Variants in FOXP1 observed in about 807,000 individuals in gnomAD.
FOXP1 encodes the protein forkhead box protein P1.
Under a neutral mutation model 98.2 loss-of-function variants are expected in FOXP1, and 15 were observed. The ratio of observed to expected loss-of-function variants is 0.15; its 90% confidence interval spans 0.10 to 0.24. The LOEUF is 0.24. Ranked by LOEUF, FOXP1 falls within the 10% of genes least tolerant of loss-of-function variation. The pLI, the probability that FOXP1 is intolerant of heterozygous loss-of-function variation, is 1.00. For synonymous variants in FOXP1, 371 were observed against 314.5 expected (o/e 1.18, Z -1.90); for missense variants, 633 against 848.5 (o/e 0.75, Z 3.15).
At chr3:71,566,588 G>A (rs377007269) in intron 2 of FOXP1, among the ~76,000 whole-genome samples, 30 of 152,302 alleles carry the variant, frequency 2.0e-4, no homozygotes, top group East Asian at 3.9e-4. Context: ...ATGCTCTGAC[G>A]TTCAAAATCT....
chr3:71,420,684 T>C (rs962518703), intron 3 of FOXP1, among the ~76,000 whole-genome samples: 1 of 152,026 alleles, frequency 6.6e-6, no homozygotes, highest in African/African-American at 2.4e-5. Flanking sequence ...TGCCTGACCT[T>C]AAGCATCTGA....
At chr3:71,069,646 C>T (rs963954676) in intron 7 of FOXP1, among the ~76,000 whole-genome samples, 2 of 152,144 alleles carry the variant, frequency 1.3e-5, no homozygotes, top group Non-Finnish European at 2.9e-5. Flanking sequence ...TCACTGCCAC[C>T]ACCACCACCA....
At chr3:71,506,912 T>A (rs1489463628) in intron 2 of FOXP1, among the ~76,000 whole-genome samples, 3 of 152,280 alleles carry the variant, frequency 2.0e-5, no homozygotes, top group East Asian at 1.9e-4. Flanking sequence ...CTAATGAAAG[T>A]CCCTACCTCC....
chr3:71,314,183 A>C (rs1169838362), intron 4 of FOXP1, among the ~76,000 whole-genome samples: 1 of 152,234 alleles, frequency 6.6e-6, no homozygotes, highest in Non-Finnish European at 1.5e-5. Flanking sequence ...GATATAACTT[A>C]AATAAATCTA....
At position 70,958,220 on chromosome 3, in the gene FOXP1, GA is replaced by G. The variant is rs1357407320; in HGVS notation, c.*1026del. The G allele has an allele frequency of 1.5e-5, 6 of 391,272 alleles. No homozygotes were observed. Among genetic ancestry groups the G allele is most frequent in the African/African-American group, 4.5e-5 (2 of 44,496 alleles). 24.2% of individuals were successfully genotyped at this position (391,272 alleles called of 1,614,324 possible). ...GCAAAAAAAAAAAAAGAAAAGAAAA[GA>G]AAAAAAGAAAATCCGAAACACCCCT... On this transcript the variant is annotated 3_prime_UTR_variant, in exon 21 of 21. Coordinates refer to ENST00000649528, the MANE Select transcript of FOXP1 (RefSeq NM_001349338.3).
intron 3 of FOXP1, among the ~76,000 whole-genome samples, chr3:71,424,963 TG>T (rs1187226721): frequency 6.6e-6 from 1 of 152,244 alleles, no homozygotes; most frequent in Non-Finnish European, 1.5e-5. Context: ...GAAATGTGTA[TG>T]GCAGTTGCCA....
intron 14 of FOXP1, among the ~76,000 whole-genome samples, chr3:70,978,828 T>A (rs1228539899): frequency 6.6e-6 from 1 of 152,250 alleles, no homozygotes; most frequent in East Asian, 1.9e-4. Flanking sequence ...TCTGTTAATT[T>A]TTTTTATTGT....
At chr3:71,323,735 T>C (rs2075528586) in intron 4 of FOXP1, among the ~76,000 whole-genome samples, 1 of 152,200 alleles carries the variant, frequency 6.6e-6, no homozygotes, top group African/African-American at 2.4e-5. Context: ...TATGCAATCT[T>C]GACAAAGTAA....
intron 7 of FOXP1, among the ~76,000 whole-genome samples, chr3:71,065,093 G>A (rs2052285864): frequency 6.7e-6 from 1 of 148,682 alleles, no homozygotes; most frequent in Non-Finnish European, 1.5e-5. Flanking sequence ...GCGCCCGCGC[G>A]CCCCGGCCCC....
intron 5 of FOXP1, among the ~76,000 whole-genome samples, chr3:71,226,453 AGCCATCCTGAAAATGCCCG>A (rs2065841937): frequency 9.4e-6 from 1 of 106,836 alleles, no homozygotes; most frequent in Non-Finnish European, 2.5e-5. Flanking sequence ...TCCACCCGGC[AGCCATCCTGAAAATGCCCG>A]TCACCTATGC....
intron 2 of FOXP1, chr3:71,580,833 A>G (rs2048107024): frequency 3.0e-5 from 30 of 985,314 alleles, no homozygotes; most frequent in Non-Finnish European, 3.6e-5. Flanking sequence ...GGTGAAGTGT[A>G]GACGGTTTGA....
At chr3:71,159,812 TAAA>T (rs1326162721) in intron 6 of FOXP1, among the ~76,000 whole-genome samples, 2 of 152,144 alleles carry the variant, frequency 1.3e-5, no homozygotes, top group East Asian at 3.8e-4. Context: ...TATAACACAA[TAAA>T]ATGGATGCAA....
intron 2 of FOXP1, among the ~76,000 whole-genome samples, chr3:71,526,175 G>A (rs72961275): frequency 0.03 from 4,598 of 152,034 alleles, 231 homozygotes; most frequent in African/African-American, 0.11. Flanking sequence ...CAAGAGTACC[G>A]GTGGTACTAT....
chr3:70,964,780 C>G (rs1439884841), intron 20 of FOXP1, among the ~76,000 whole-genome samples: 1 of 152,116 alleles, frequency 6.6e-6, no homozygotes, highest in Non-Finnish European at 1.5e-5. Context: ...AGTAAAGATC[C>G]TTTCTGAAGT....
At chr3:71,222,818 C>T (rs1359155952) in intron 5 of FOXP1, among the ~76,000 whole-genome samples, 1 of 152,076 alleles carries the variant, frequency 6.6e-6, no homozygotes, top group Non-Finnish European at 1.5e-5. Flanking sequence ...CCCAACAAGC[C>T]CTTCTCTCCT....
chr3:71,551,734 T>C (rs1261354062), intron 2 of FOXP1, among the ~76,000 whole-genome samples: 1 of 152,220 alleles, frequency 6.6e-6, no homozygotes, highest in Non-Finnish European at 1.5e-5. Context: ...GGAGTGGTTA[T>C]AACTGTGATA....
intron 5 of FOXP1, among the ~76,000 whole-genome samples, chr3:71,260,537 ATT>A (rs35677326): frequency 1.4e-5 from 2 of 143,158 alleles, no homozygotes; most frequent in Non-Finnish European, 1.5e-5. Flanking sequence ...ATTTCCTTTA[ATT>A]TTTTTTTTTT....
At chr3:71,025,215 T>G (rs1211894979) in intron 11 of FOXP1, among the ~76,000 whole-genome samples, 1 of 152,144 alleles carries the variant, frequency 6.6e-6, no homozygotes, top group African/African-American at 2.4e-5. Context: ...CCTAAGGGAC[T>G]ATAAAAACTG....
chr3:71,500,522 C>T (rs1172219846), intron 2 of FOXP1, among the ~76,000 whole-genome samples: 1 of 152,168 alleles, frequency 6.6e-6, no homozygotes. Flanking sequence ...CCCTTCTGTG[C>T]TGAAGAAACT....
Sources: gnomAD v4.1 joint callset for allele counts (sites outside exome capture counted in the v4.1 genomes callset) on GRCh38, gnomAD v4.1.1 for gene constraint, MANE v1.5 for transcripts, NCBI Gene and HGNC (gene_info 2026-07-23, HGNC 2026-07-21) for gene names.